The following CALN1 variants were observed in gnomAD, a reference collection of about 807,000 sequenced individuals.
The protein encoded by CALN1 is calcium-binding protein 8.
Under a neutral mutation model 30.6 loss-of-function variants are expected in CALN1, and 17 were observed. That is an observed-to-expected ratio of 0.56 (90% CI 0.38 to 0.83). The LOEUF is 0.83. Among genes scored for constraint, CALN1 ranks in the 40% least tolerant of loss-of-function variants. CALN1 has a pLI of 0.00. For synonymous variants in CALN1, 156 were observed against 131.4 expected (o/e 1.19, Z -1.28); for missense variants, 291 against 354.9 (o/e 0.82, Z 1.45).
Position 71,930,621 on chromosome 7 carries a change from A to G in CALN1, c.501+93036T>C, listed in dbSNP as rs937296780. 5.9e-5 allele frequency among the ~76,000 whole-genome samples: 9 copies of G among 152,276 alleles called. No individual in the cohort carries two copies. In the East Asian group the frequency reaches 7.7e-4, roughly 13 times the overall value. ...TATCTTTGGTCCCTTGTGCTTTATG[A>G]ACATTTGCTCCTATATTTACTTCTA... On this transcript the variant is annotated intron_variant, in intron 5 of 6. Transcript: ENST00000395275.
chr7:72,468,600 C>A, the CALN1 span, among the ~76,000 whole-genome samples: 1 of 152,192 alleles, frequency 6.6e-6, no homozygotes, highest in African/African-American at 2.4e-5. Context: ...AGGCATGAAC[C>A]ACCCTGCCTG....
At chr7:72,439,265 C>T (rs968424626) in intron 1 of CALN1, among the ~76,000 whole-genome samples, 1 of 152,142 alleles carries the variant, frequency 6.6e-6, no homozygotes. Context: ...CCCCTGAGCT[C>T]ATGCAATCCT....
chr7:72,383,407 G>T (rs1322017270), intron 2 of CALN1, among the ~76,000 whole-genome samples: 1 of 152,132 alleles, frequency 6.6e-6, no homozygotes, highest in South Asian at 2.1e-4. Context: ...CCTTTTCTCT[G>T]CAGCCTCATC....
chr7:71,810,503 A>G lies in CALN1; in HGVS notation c.502-11T>C, dbSNP rs1362243173. On this transcript the variant is annotated splice_polypyrimidine_tract_variant and intron_variant, in intron 5 of 6. Coordinates refer to ENST00000395275, the MANE Select transcript of CALN1 (RefSeq NM_031468.4). ...CCTTTGCATGTCAAACTGTGGAGAT[A>G]AAGAGTAGTGAGATGGTCAGAAGCA... 6.2e-7 allele frequency: 1 copy of G among 1,612,646 alleles called. No homozygotes were observed. The highest frequency in any genetic ancestry group is 8.5e-7 in the Non-Finnish European group (1 of 1,179,162).
At chr7:72,194,878 C>G (rs1373178297) in intron 3 of CALN1, among the ~76,000 whole-genome samples, 1 of 152,046 alleles carries the variant, frequency 6.6e-6, no homozygotes, top group Non-Finnish European at 1.5e-5. Context: ...GTGTGAGCCT[C>G]TTGCCTTTTA....
chr7:71,851,250 CACAT>C (rs1790627425), intron 5 of CALN1, among the ~76,000 whole-genome samples: 1 of 150,022 alleles, frequency 6.7e-6, no homozygotes. Context: ...CACACACACA[CACAT>C]CACACATATA....
At chr7:72,148,097 AAAAT>A (rs1786905920) in intron 3 of CALN1, among the ~76,000 whole-genome samples, 1 of 138,304 alleles carries the variant, frequency 7.2e-6, no homozygotes, top group African/African-American at 2.7e-5. Context: ...ATAATAAAAA[AAAAT>A]AAAAAAAAAA....
chr7:72,103,831 G>A (rs1224857815), intron 4 of CALN1, among the ~76,000 whole-genome samples: 1 of 152,110 alleles, frequency 6.6e-6, no homozygotes, highest in Non-Finnish European at 1.5e-5. Context: ...CAGACAGAAG[G>A]AAGTGACAAT....
chr7:72,063,705 A>G (rs922798684), intron 4 of CALN1, among the ~76,000 whole-genome samples: 1 of 152,180 alleles, frequency 6.6e-6, no homozygotes, highest in Non-Finnish European at 1.5e-5. Context: ...TAAAATCTGA[A>G]ATCAGAAATG....
intron 5 of CALN1, among the ~76,000 whole-genome samples, chr7:71,895,362 T>C (rs1793479693): frequency 6.6e-6 from 1 of 152,168 alleles, no homozygotes; most frequent in Non-Finnish European, 1.5e-5. Context: ...CAGGCTGGAG[T>C]GCAGTGGCGT....
chr7:71,882,724 C>T (rs963802779), intron 5 of CALN1, among the ~76,000 whole-genome samples: 5 of 152,174 alleles, frequency 3.3e-5, no homozygotes, highest in South Asian at 4.2e-4. Context: ...TGCTATGTTG[C>T]CCAGGCTGGA....
chr7:72,344,065 G>A (rs1802503804), intron 2 of CALN1, among the ~76,000 whole-genome samples: 1 of 151,912 alleles, frequency 6.6e-6, no homozygotes, highest in Non-Finnish European at 1.5e-5. Flanking sequence ...TTTATTTAGA[G>A]ACAGAGTCTC....
In CALN1 at chr7:72,079,761, C is replaced by CTTTTTTTT. The variant is rs3065015; in HGVS notation, c.388+26382_388+26389dup. ...AAATGCCCAAGAGGTTGCCTTTTTCCTTTTTTTTTTTTTTTTTTTTTTTTT... is the reference window on the plus strand; with the variant it reads ...AAATGCCCAAGAGGTTGCCTTTTTCCTTTTTTTTTTTTTTTTTTTTTTTTTTTTTTTTT... On this transcript the variant is annotated intron_variant, in intron 4 of 6. Coordinates refer to ENST00000395275, the MANE Select transcript of CALN1 (RefSeq NM_031468.4). Among the ~76,000 whole-genome samples, 350 of 104,000 alleles carry CTTTTTTTT rather than the reference C, an allele frequency of 3.4e-3. 10 individuals carry two copies. The highest frequency in any genetic ancestry group is 4.4e-3 in the Non-Finnish European group (239 of 54,450). The allele number at this position is 104,000 out of a possible 152,430, so 68.2% of individuals were successfully genotyped here. A position where few individuals can be genotyped will look rare whatever the true frequency, so the allele number is the denominator to read the frequency against.
chr7:71,923,085 C>T (rs778065190), intron 5 of CALN1, among the ~76,000 whole-genome samples: 2 of 150,492 alleles, frequency 1.3e-5, no homozygotes, highest in Non-Finnish European at 2.9e-5. Flanking sequence ...ATTTCCAGGC[C>T]TAAGAAATGG....
the CALN1 span, among the ~76,000 whole-genome samples, chr7:72,482,338 T>C: frequency 6.6e-6 from 1 of 152,172 alleles, no homozygotes; most frequent in East Asian, 1.9e-4. Context: ...TTTATTAGAG[T>C]GTTTAGACCA....
intron 5 of CALN1, among the ~76,000 whole-genome samples, chr7:71,961,018 T>C (rs1189656821): frequency 6.6e-6 from 1 of 152,210 alleles, no homozygotes; most frequent in Non-Finnish European, 1.5e-5. Flanking sequence ...GGTTTCACCA[T>C]GTTTCCCAGG....
chr7:72,350,560 T>C (rs1802867619), intron 2 of CALN1, among the ~76,000 whole-genome samples: 1 of 152,082 alleles, frequency 6.6e-6, no homozygotes, highest in African/African-American at 2.4e-5. Context: ...TTTTCACTTA[T>C]AAGTGGGAGC....
intron 3 of CALN1, among the ~76,000 whole-genome samples, chr7:72,229,834 T>C (rs1355556116): frequency 2.0e-5 from 3 of 151,760 alleles, no homozygotes; most frequent in Non-Finnish European, 2.9e-5. Flanking sequence ...ATAATGCATT[T>C]GCAGGGCTTA....
intron 5 of CALN1, among the ~76,000 whole-genome samples, chr7:71,932,011 T>C (rs1179508933): frequency 1.3e-5 from 2 of 152,104 alleles, no homozygotes; most frequent in African/African-American, 4.8e-5. Context: ...ATTCTGGAAC[T>C]GGCAATTAAG....
Sources: gnomAD v4.1 joint callset for allele counts (sites outside exome capture counted in the v4.1 genomes callset) on GRCh38, gnomAD v4.1.1 for gene constraint, MANE v1.5 for transcripts, NCBI Gene and HGNC (gene_info 2026-07-23, HGNC 2026-07-21) for gene names.